The following CNTN5 variants were observed in gnomAD, a reference collection of about 807,000 sequenced individuals.
CNTN5 encodes the protein contactin 5.
In CNTN5, 77 loss-of-function variants were observed where a neutral mutation model predicts 129.1. The observed-to-expected ratio is 0.60, with a 90% CI of 0.50 to 0.72. CNTN5 has a LOEUF of 0.72. Ranked by LOEUF, CNTN5 falls within the 30% of genes least tolerant of loss-of-function variation. The probability of loss-of-function intolerance (pLI) is 0.00; values close to 1 mark genes in which losing one functional copy is unlikely to be tolerated. For synonymous variants in CNTN5, 509 were observed against 465.6 expected, an observed-to-expected ratio of 1.09 and a Z score of -1.20; for missense variants, 1,478 against 1,328.8, an observed-to-expected ratio of 1.11 and a Z score of -1.75.
At chr11:99,150,114 G>A (rs11218559) in intron 1 of CNTN5, among the ~76,000 whole-genome samples, 40,616 of 151,904 alleles carry the variant, frequency 0.27, 6,533 homozygotes, top group East Asian at 0.68. Flanking sequence ...AACTTTGTTT[G>A]AAATGTAGTT....
intron 6 of CNTN5, 39 bp downstream of exon 6, chr11:99,845,301 A>ACACACTATATAC: frequency 8.2e-7 from 1 of 1,220,958 alleles, no homozygotes. Flanking sequence ...ATATGTATAT[A>ACACACTATATAC]GTGTGTATAT....
chr11:99,579,435 C>T (rs1471887911), intron 3 of CNTN5, among the ~76,000 whole-genome samples: 1 of 151,700 alleles, frequency 6.6e-6, no homozygotes, highest in Non-Finnish European at 1.5e-5. Context: ...TGGCCATTTT[C>T]ATGATATTGA....
intron 1 of CNTN5, among the ~76,000 whole-genome samples, chr11:99,127,452 T>G (rs141820559): frequency 8.6e-4 from 131 of 152,308 alleles, no homozygotes; most frequent in Middle Eastern, 3.4e-3. Context: ...CTTGCCCTTT[T>G]GTTAGCCAGA....
At chr11:100,277,900 GCA>G (rs1373072376) in intron 18 of CNTN5, among the ~76,000 whole-genome samples, 6 of 152,060 alleles carry the variant, frequency 3.9e-5, no homozygotes, top group African/African-American at 1.2e-4. Flanking sequence ...CCGTTGTCTT[GCA>G]CAGTTTCCCC....
intron 9 of CNTN5, among the ~76,000 whole-genome samples, chr11:100,036,155 G>C (rs1081343): frequency 0.12 from 17,888 of 152,128 alleles, 1,281 homozygotes; most frequent in Middle Eastern, 0.27. Flanking sequence ...TAAGGTGTAA[G>C]GAAGGGATCC....
chr11:100,110,195 AAAAAAGAAAAG>A (rs1431276985), intron 13 of CNTN5, among the ~76,000 whole-genome samples: 3,079 of 151,418 alleles, frequency 0.02, 105 homozygotes, highest in African/African-American at 0.069. Flanking sequence ...TAAAAAAAAA[AAAAAAGAAAAG>A]AAAAAGAAAA....
At chr11:99,161,017 G>A (rs1860585123) in intron 1 of CNTN5, among the ~76,000 whole-genome samples, 1 of 152,122 alleles carries the variant, frequency 6.6e-6, no homozygotes, top group Admixed American at 6.6e-5. Flanking sequence ...TTGTGAATTT[G>A]GGGAAAGTTT....
chr11:99,682,819 AAAAGCATTAGATG>A (rs1953617111), intron 3 of CNTN5, among the ~76,000 whole-genome samples: 1 of 151,976 alleles, frequency 6.6e-6, no homozygotes, highest in East Asian at 1.9e-4. Flanking sequence ...AATTTAGGCC[AAAAGCATTAGATG>A]AGACAAACGG....
intron 17 of CNTN5, among the ~76,000 whole-genome samples, chr11:100,256,672 A>G (rs1345253679): frequency 1.3e-5 from 2 of 152,070 alleles, no homozygotes; most frequent in African/African-American, 4.8e-5. Context: ...AGCATGGGGC[A>G]TTGCCTCACC....
chr11:99,646,965 A>AT (rs1213982523), intron 3 of CNTN5, among the ~76,000 whole-genome samples: 1 of 151,770 alleles, frequency 6.6e-6, no homozygotes, highest in African/African-American at 2.4e-5. Context: ...GTTTGCCCAT[A>AT]TTTTTTCCCA....
chr11:100,049,403 G>A (rs1314808525), intron 9 of CNTN5, among the ~76,000 whole-genome samples: 1 of 151,706 alleles, frequency 6.6e-6, no homozygotes, highest in Non-Finnish European at 1.5e-5. Context: ...ACTAGTATAA[G>A]ACTAAAATGA....
chr11:99,844,766 GA>G (rs1947627877), intron 4 of CNTN5, 85 bp from the exon 5 acceptor site: 1 of 1,318,888 alleles, frequency 7.6e-7, no homozygotes, highest in Non-Finnish European at 1.0e-6. Context: ...CAAGAATTTT[GA>G]ATATAAGTAA....
chr11:100,081,066 G>A (rs376216706), intron 13 of CNTN5, among the ~76,000 whole-genome samples: 3 of 152,182 alleles, frequency 2.0e-5, no homozygotes, highest in South Asian at 4.1e-4. Flanking sequence ...TTAAGATACT[G>A]ACTTCCTGAT....
At chr11:99,329,995 T>C (rs947516219) in intron 2 of CNTN5, among the ~76,000 whole-genome samples, 6 of 150,708 alleles carry the variant, frequency 4.0e-5, no homozygotes, top group Non-Finnish European at 5.9e-5. Context: ...GAAAAGTGTT[T>C]AGCAGATGGT....
chr11:99,863,784 C>T (rs1948280088), intron 6 of CNTN5, among the ~76,000 whole-genome samples: 1 of 152,146 alleles, frequency 6.6e-6, no homozygotes, highest in South Asian at 2.1e-4. Context: ...TTCCTACTTT[C>T]ACAGTTAATG....
At chr11:99,800,783 A>G (rs530719457) in intron 3 of CNTN5, among the ~76,000 whole-genome samples, 1 of 152,202 alleles carries the variant, frequency 6.6e-6, no homozygotes, top group African/African-American at 2.4e-5. Context: ...GATCTTCCTT[A>G]AGTCTTTTAC....
chr11:99,448,059 TTATTG>T (rs1396073467), intron 2 of CNTN5, among the ~76,000 whole-genome samples: 2 of 152,150 alleles, frequency 1.3e-5, no homozygotes, highest in Non-Finnish European at 2.9e-5. Flanking sequence ...CATTATACAT[TTATTG>T]TAGAGTTATA....
chr11:99,171,782 T>C (rs1227129361), intron 1 of CNTN5, among the ~76,000 whole-genome samples: 2 of 152,228 alleles, frequency 1.3e-5, no homozygotes, highest in Admixed American at 6.5e-5. Context: ...TTACTCTTTC[T>C]GTTATTATCA....
chr11:99,269,515 A>G (rs1187461326), intron 1 of CNTN5, among the ~76,000 whole-genome samples: 2 of 151,870 alleles, frequency 1.3e-5, no homozygotes, highest in African/African-American at 4.8e-5. Flanking sequence ...CGTGATTGTA[A>G]ACAAGAAATG....
Sources: allele counts gnomAD v4.1 joint callset (sites outside exome capture counted in the v4.1 genomes callset), GRCh38; gene constraint gnomAD v4.1.1; transcripts MANE v1.5; gene names NCBI Gene and HGNC (gene_info 2026-07-23, HGNC 2026-07-21).